The following NRCAM variants were observed in gnomAD, a reference collection of about 807,000 sequenced individuals.
NRCAM encodes NgCAM-related cell adhesion molecule.
NRCAM carries 83 observed loss-of-function variants against 156.5 expected under a neutral mutation model. The ratio of observed to expected loss-of-function variants is 0.53; its 90% CI spans 0.44 to 0.64. NRCAM has a LOEUF of 0.64. NRCAM is among the 30% of genes least tolerant of loss of function. NRCAM has a pLI of 0.00. For synonymous variants in NRCAM, 538 were observed against 563.9 expected, an observed-to-expected ratio of 0.95 and a Z score of 0.65; for missense variants, 1,417 against 1,597.3, an observed-to-expected ratio of 0.89 and a Z score of 1.92.
intron 11 of NRCAM, among the ~76,000 whole-genome samples, chr7:108,215,124 AG>A (rs1403638984): frequency 6.6e-6 from 1 of 151,772 alleles, no homozygotes; most frequent in East Asian, 1.9e-4. Context: ...CTTGGTCCAG[AG>A]CTGAGTTCAA....
chr7:108,210,619 T>A (rs1310381699), intron 11 of NRCAM, among the ~76,000 whole-genome samples: 1 of 152,190 alleles, frequency 6.6e-6, no homozygotes, highest in East Asian at 1.9e-4. Context: ...AGTTAGAAGA[T>A]CTTTAGAATT....
chr7:108,338,623 CAGAG>C (rs1300951606), intron 2 of NRCAM, among the ~76,000 whole-genome samples: 1 of 85,862 alleles, frequency 1.2e-5, no homozygotes, highest in Admixed American at 1.3e-4. Flanking sequence ...GAGAGAGACA[CAGAG>C]AGGGGAGAGA....
At chr7:108,229,015 C>T (rs1267163163) in intron 8 of NRCAM, among the ~76,000 whole-genome samples, 1 of 152,026 alleles carries the variant, frequency 6.6e-6, no homozygotes, top group Non-Finnish European at 1.5e-5. Context: ...ATGTTAGAGG[C>T]AAATTTTCTC....
chr7:108,395,573 T>C (rs927031618), intron 2 of NRCAM, among the ~76,000 whole-genome samples: 18 of 152,178 alleles, frequency 1.2e-4, no homozygotes, highest in Non-Finnish European at 2.5e-4. Flanking sequence ...CATGCAAAAG[T>C]GTCACCCTGG....
At chr7:108,428,269 A>T (rs1269843846) in intron 1 of NRCAM, among the ~76,000 whole-genome samples, 1 of 152,240 alleles carries the variant, frequency 6.6e-6, no homozygotes, top group Non-Finnish European at 1.5e-5. Context: ...TTCGCTAAAA[A>T]TAAAAAACAG....
rs1563033070 is a variant in NRCAM, at chr7:108,268,631, G to GGC, written c.-106-28462_-106-28461insGC. On this transcript the variant is annotated intron_variant, in intron 3 of 32. Transcript: ENST00000379028. ...AGCGGGGCGGGGGTGGGGGTGGGGG[G>GGC]GGGTTGGGGGGGGCGGCGGTGGCGG... Among the ~76,000 whole-genome samples the GGC allele has an allele frequency of 1.3e-4, 13 of 103,186 alleles. 1 individual carries two copies. The highest frequency in any genetic ancestry group is 1.8e-4 in the Non-Finnish European group (8 of 45,270). 67.7% of individuals were successfully genotyped at this position (103,186 alleles called of 152,430 possible).
intron 28 of NRCAM, among the ~76,000 whole-genome samples, chr7:108,174,140 AG>A (rs2059586044): frequency 6.6e-6 from 1 of 152,274 alleles, no homozygotes; most frequent in African/African-American, 2.4e-5. Flanking sequence ...ACAAATAAAT[AG>A]AAGTAAGTTT....
At chr7:108,412,596 AAT>A (rs1796790263) in intron 1 of NRCAM, among the ~76,000 whole-genome samples, 1 of 152,182 alleles carries the variant, frequency 6.6e-6, no homozygotes, top group South Asian at 2.1e-4. Context: ...TCAAGAATAC[AAT>A]ATGTTAATAA....
intron 1 of NRCAM, among the ~76,000 whole-genome samples, chr7:108,433,660 T>C (rs1828537155): frequency 1.3e-5 from 2 of 152,128 alleles, no homozygotes; most frequent in South Asian, 4.1e-4. Flanking sequence ...CCCTACCCTC[T>C]TGCTTGCCTT....
At chr7:108,208,684 G>A (rs968143826) in intron 12 of NRCAM, among the ~76,000 whole-genome samples, 4 of 152,134 alleles carry the variant, frequency 2.6e-5, no homozygotes, top group Non-Finnish European at 1.5e-5. Flanking sequence ...CACTTTTGAA[G>A]AGTACTGGTC....
At chr7:108,160,571 T>C (rs10239955) in intron 30 of NRCAM, 79 bp from the exon 31 acceptor site, 5 of 1,346,512 alleles carry the variant, frequency 3.7e-6, no homozygotes, top group African/African-American at 1.5e-5. Flanking sequence ...GAGTAAAAAA[T>C]TGCCACGTTA....
intron 1 of NRCAM, among the ~76,000 whole-genome samples, chr7:108,448,725 C>T (rs1847164273): frequency 2.0e-5 from 3 of 152,098 alleles, no homozygotes; most frequent in Admixed American, 2.0e-4. Context: ...GAATGGAAAA[C>T]CATGTGCCAT....
At position 108,147,844 on chromosome 7, in the gene NRCAM, GCA is replaced by G. The variant is rs1258004344; in HGVS notation, c.*2064_*2065del. Reference sequence around the variant, plus strand: ...ACTATTACAGAAGTGACCCTTTCATGCACAGATAAATTTCGCATCTACCAGTA... The same window carrying G: ...ACTATTACAGAAGTGACCCTTTCATGCAGATAAATTTCGCATCTACCAGTA... On this transcript the variant is annotated 3_prime_UTR_variant, in exon 33 of 33. Coordinates refer to ENST00000379028, the MANE Select transcript of NRCAM (RefSeq NM_001037132.4). 2 of 152,590 alleles carry G rather than the reference GCA, an allele frequency of 1.3e-5. No individual in the cohort carries two copies. The highest frequency in any genetic ancestry group is 2.9e-5 in the Non-Finnish European group (2 of 68,028). The allele number at this position is 152,590 out of a possible 1,614,324, so 9.5% of individuals were successfully genotyped here. A position where few individuals can be genotyped will look rare whatever the true frequency, so the allele number is the denominator to read the frequency against.
At chr7:108,251,786 T>G (rs192216131) in intron 3 of NRCAM, among the ~76,000 whole-genome samples, 1 of 152,192 alleles carries the variant, frequency 6.6e-6, no homozygotes, top group Non-Finnish European at 1.5e-5. Context: ...CAGTGGTTTC[T>G]GGGTGCCATC....
At chr7:108,177,553 A>G (rs11761503) in intron 26 of NRCAM, among the ~76,000 whole-genome samples, 99,038 of 151,332 alleles carry the variant, frequency 0.65, 33,614 homozygotes, top group East Asian at 0.94. Context: ...AACTCGGGAG[A>G]TGGAGCTTGC....
intron 3 of NRCAM, among the ~76,000 whole-genome samples, chr7:108,255,398 C>G (rs888860752): frequency 3.3e-5 from 5 of 152,208 alleles, no homozygotes; most frequent in African/African-American, 1.2e-4. Flanking sequence ...CAGCTCCTGA[C>G]CGCGAGTGAT....
At chr7:108,197,383 G>GA (rs2075718913) in intron 14 of NRCAM, among the ~76,000 whole-genome samples, 1 of 152,150 alleles carries the variant, frequency 6.6e-6, no homozygotes, top group African/African-American at 2.4e-5. Context: ...CAGGCACCAT[G>GA]AAAACAATTC....
chr7:108,173,806 T>G lies in NRCAM; in HGVS notation c.3187+1516A>C, dbSNP rs550055555. On this transcript the variant is annotated intron_variant, in intron 28 of 32. Coordinates refer to ENST00000379028, the MANE Select transcript of NRCAM (RefSeq NM_001037132.4). Reference sequence around the variant, plus strand: ...TAGCTCACAATTCAAATTAGTAACATCAAATGGTAAAACCAAAACTCTTTA... The same window carrying G: ...TAGCTCACAATTCAAATTAGTAACAGCAAATGGTAAAACCAAAACTCTTTA... Among the ~76,000 whole-genome samples, 67 of 152,316 alleles carry G rather than the reference T, an allele frequency of 4.4e-4. 1 individual carries two copies. Among genetic ancestry groups the G allele is most frequent in the African/African-American group, 1.6e-3 (65 of 41,572 alleles).
chr7:108,368,879 T>C (rs1345000447), intron 2 of NRCAM, among the ~76,000 whole-genome samples: 1 of 152,204 alleles, frequency 6.6e-6, no homozygotes, highest in South Asian at 2.1e-4. Flanking sequence ...AACTTCTCAA[T>C]AGTACAATGA....
Sources: gnomAD v4.1 joint callset for allele counts (sites outside exome capture counted in the v4.1 genomes callset) on GRCh38, gnomAD v4.1.1 for gene constraint, MANE v1.5 for transcripts, NCBI Gene and HGNC (gene_info 2026-07-23, HGNC 2026-07-21) for gene names.